The following ATG7 variants were observed in gnomAD, a reference collection of about 807,000 sequenced individuals.
ATG7 encodes autophagy related 7, also known as ubiquitin-like modifier-activating enzyme ATG7.
A neutral mutation model predicts 82.4 loss-of-function variants in ATG7; 70 were observed. The ratio of observed to expected loss-of-function variants is 0.85; its 90% CI spans 0.70 to 1.04. The LOEUF (loss-of-function observed/expected upper bound fraction) is 1.04, where lower values mean the gene tolerates loss of function less well. ATG7 is among the 50% of genes least tolerant of loss of function. ATG7 has a pLI of 0.00. For synonymous variants in ATG7, 287 were observed against 313.0 expected (o/e 0.92, Z 0.88); for missense variants, 792 against 864.3 (o/e 0.92, Z 1.05).
chr3:11,326,605 G>A (rs543721053), intron 9 of ATG7, among the ~76,000 whole-genome samples: 4 of 152,286 alleles, frequency 2.6e-5, no homozygotes, highest in African/African-American at 9.6e-5. Context: ...GCCTAGAGTT[G>A]TAAATGCTTT....
intron 20 of ATG7, among the ~76,000 whole-genome samples, chr3:11,514,546 A>C (rs889521099): frequency 3.9e-5 from 6 of 152,146 alleles, no homozygotes; most frequent in African/African-American, 1.4e-4. Context: ...CCCATGCACT[A>C]TGTTAGTCAT....
chr3:11,309,175 A>G, intron 7 of ATG7, 114 bp downstream of exon 7: 1 of 1,032,008 alleles, frequency 9.7e-7, no homozygotes, highest in Non-Finnish European at 1.5e-6. Context: ...CTGTTACTTA[A>G]ATAATAGCTG....
intron 19 of ATG7, among the ~76,000 whole-genome samples, chr3:11,387,231 G>A (rs894061642): frequency 5.3e-5 from 8 of 152,204 alleles, no homozygotes; most frequent in African/African-American, 1.9e-4. Flanking sequence ...AGGCTGCCCT[G>A]GCTTTGAAAG....
chr3:11,488,734 T>G (rs1293441480), intron 20 of ATG7, among the ~76,000 whole-genome samples: 1 of 152,226 alleles, frequency 6.6e-6, no homozygotes, highest in South Asian at 2.1e-4. Flanking sequence ...GAACCAGCCT[T>G]GCATCCCAGG....
rs117569041 is a variant in ATG7, at chr3:11,446,263, G to A, written c.2079+19337G>A. Among the ~76,000 whole-genome samples the A allele has an allele frequency of 2.0e-5, 3 of 151,538 alleles. No individual in the cohort carries two copies. In the East Asian group the frequency reaches 5.8e-4, roughly 29 times the overall value. Reference sequence around the variant, plus strand: ...GAAAGCCTGATTAAATTGGATTAAAGGTTACTATATCCATTTCAACATTCT... The same window carrying A: ...GAAAGCCTGATTAAATTGGATTAAAAGTTACTATATCCATTTCAACATTCT... On this transcript the variant is annotated intron_variant, in intron 20 of 20. Coordinates refer to ENST00000693202, the MANE Select transcript of ATG7 (RefSeq NM_001349232.2).
rs150368539 is a variant in ATG7, at chr3:11,500,174, C to T, written c.2080-54637C>T. 1.7e-4 allele frequency among the ~76,000 whole-genome samples: 26 copies of T among 152,210 alleles called. No individual in the cohort carries two copies. In the East Asian group the frequency reaches 1.9e-3, roughly 11 times the overall value. On this transcript the variant is annotated intron_variant, in intron 20 of 20. Transcript: ENST00000693202. ...TAGCAGCAACGCGCAACATAAAGAACAATATGAACACAGTTGTATGGCAGT... is the reference window on the plus strand; with the variant it reads ...TAGCAGCAACGCGCAACATAAAGAATAATATGAACACAGTTGTATGGCAGT...
chr3:11,527,035 GTATATA>G (rs201101842), intron 20 of ATG7, among the ~76,000 whole-genome samples: 49 of 130,444 alleles, frequency 3.8e-4, no homozygotes, highest in African/African-American at 1.4e-3. Flanking sequence ...ATGTGTGTGT[GTATATA>G]TGTGTGTGTG....
the ATG7 span, among the ~76,000 whole-genome samples, chr3:11,572,644 C>T: frequency 1.3e-5 from 2 of 152,258 alleles, no homozygotes; most frequent in African/African-American, 2.4e-5. Context: ...AGCACACATC[C>T]GTCGCATGCT....
chr3:11,549,450 C>G (rs2071575976), intron 20 of ATG7, among the ~76,000 whole-genome samples: 2 of 152,210 alleles, frequency 1.3e-5, no homozygotes, highest in Admixed American at 1.3e-4. Context: ...GACCTCCAGA[C>G]TATTCATACT....
At chr3:11,551,724 C>T (rs2071806084) in intron 20 of ATG7, among the ~76,000 whole-genome samples, 4 of 151,828 alleles carry the variant, frequency 2.6e-5, no homozygotes, top group Admixed American at 2.0e-4. Flanking sequence ...GCCGCTGTGC[C>T]CAGCCAATAT....
At chr3:11,494,476 G>T (rs1415011149) in intron 20 of ATG7, among the ~76,000 whole-genome samples, 2 of 152,216 alleles carry the variant, frequency 1.3e-5, no homozygotes, top group African/African-American at 4.8e-5. Flanking sequence ...TAATTCAAAA[G>T]AAATCATAAA....
At chr3:11,539,097 A>ATTT (rs35489820) in intron 20 of ATG7, among the ~76,000 whole-genome samples, 1 of 150,080 alleles carries the variant, frequency 6.7e-6, no homozygotes. Flanking sequence ...ATCAACTGAG[A>ATTT]TTTTTTTTTT....
intron 8 of ATG7, 84 bp downstream of exon 8, chr3:11,313,504 C>A: frequency 2.1e-6 from 2 of 946,524 alleles, no homozygotes; most frequent in Non-Finnish European, 3.2e-6. Flanking sequence ...GACAAACAGG[C>A]ACTTCTCTGG....
chr3:11,514,124 C>A (rs1373959577), intron 20 of ATG7, among the ~76,000 whole-genome samples: 1 of 152,052 alleles, frequency 6.6e-6, no homozygotes, highest in Non-Finnish European at 1.5e-5. Context: ...CTGATAAATA[C>A]CCTTGAAAAT....
At position 11,552,405 on chromosome 3, in the gene ATG7, A is replaced by G. The variant is rs914596368; in HGVS notation, c.2080-2406A>G. ...TTACTATGATCTTCACTAAGAGGACATTCACTGTGCCCCTTCTCCACACCA... is the reference window on the plus strand; with the variant it reads ...TTACTATGATCTTCACTAAGAGGACGTTCACTGTGCCCCTTCTCCACACCA... On this transcript the variant is annotated intron_variant, in intron 20 of 20. Coordinates refer to ENST00000693202, the MANE Select transcript of ATG7 (RefSeq NM_001349232.2). Among the ~76,000 whole-genome samples the G allele has an allele frequency of 9.1e-4, 139 of 152,284 alleles. 1 individual carries two copies. The highest frequency in any genetic ancestry group is 3.1e-3 in the African/African-American group (128 of 41,566).
At position 11,352,738 on chromosome 3, in the gene ATG7, G is replaced by C. The variant is rs568286524; in HGVS notation, c.1284+4703G>C. 1.4e-4 allele frequency among the ~76,000 whole-genome samples: 21 copies of C among 152,334 alleles called. No homozygotes were observed. The South Asian group carries it at 4.3e-3, about 32-fold the overall frequency. On this transcript the variant is annotated intron_variant, in intron 14 of 20. Coordinates refer to ENST00000693202, the MANE Select transcript of ATG7 (RefSeq NM_001349232.2). ...TACTAAATGCTAAAAGGGATAAGTA[G>C]ACATTGCTCAGGAAATATAGAAGAG...
rs150998413 is a variant in ATG7, at chr3:11,308,102, G to A, written c.334-882G>A. 4.9e-3 allele frequency among the ~76,000 whole-genome samples: 744 copies of A among 152,298 alleles called. 7 individuals are homozygous for A. The highest frequency in any genetic ancestry group is 0.017 in the African/African-American group (712 of 41,556). ...CTGCCCCATGCCCCCTCGGCTTACC[G>A]GAAACTGGGGGCCTCTCTTCAGTGG... On this transcript the variant is annotated intron_variant, in intron 6 of 20. Transcript: ENST00000693202.
At chr3:11,524,236 G>C (rs979105823) in intron 20 of ATG7, among the ~76,000 whole-genome samples, 1 of 152,132 alleles carries the variant, frequency 6.6e-6, no homozygotes, top group Non-Finnish European at 1.5e-5. Flanking sequence ...AGCTGAAGTT[G>C]AAACACAGAC....
chr3:11,507,631 T>G (rs542030550), intron 20 of ATG7, among the ~76,000 whole-genome samples: 4 of 152,276 alleles, frequency 2.6e-5, no homozygotes, highest in African/African-American at 9.6e-5. Flanking sequence ...GTTATGGGTG[T>G]TTTTTGTTTT....
Sources: gnomAD v4.1 joint callset for allele counts (sites outside exome capture counted in the v4.1 genomes callset) on GRCh38, gnomAD v4.1.1 for gene constraint, MANE v1.5 for transcripts, NCBI Gene and HGNC (gene_info 2026-07-23, HGNC 2026-07-21) for gene names.